Variants in RABGAP1L observed in about 807,000 individuals in gnomAD.
The protein encoded by RABGAP1L is RAB GTPase activating protein 1 like, also known as rab GTPase-activating protein 1-like.
In RABGAP1L, 63 loss-of-function variants were observed where a neutral mutation model predicts 137.7. The ratio of observed to expected loss-of-function variants is 0.46; its 90% CI spans 0.37 to 0.56. The LOEUF is 0.56. Ranked by LOEUF, RABGAP1L falls within the 20% of genes least tolerant of loss-of-function variation. RABGAP1L has a pLI of 0.00. For missense variants in RABGAP1L, 1,095 were observed against 1,244.0 expected (o/e 0.88, Z 1.80); for synonymous variants, 431 against 433.7 (o/e 0.99, Z 0.08).
chr1:174,223,031 A>T (rs972964642), intron 3 of RABGAP1L, among the ~76,000 whole-genome samples: 1 of 151,928 alleles, frequency 6.6e-6, no homozygotes, highest in African/African-American at 2.4e-5. Flanking sequence ...CCACTTTGGG[A>T]GGCCAAGATG....
intron 13 of RABGAP1L, among the ~76,000 whole-genome samples, chr1:174,569,193 C>T (rs1667803767): frequency 6.6e-6 from 1 of 152,120 alleles, no homozygotes; most frequent in African/African-American, 2.4e-5. Flanking sequence ...AGTGAAAAAC[C>T]ACATTTCTTA....
intron 13 of RABGAP1L, among the ~76,000 whole-genome samples, chr1:174,487,327 C>T (rs1004159683): frequency 2.0e-5 from 3 of 152,106 alleles, no homozygotes; most frequent in Admixed American, 6.5e-5. Flanking sequence ...TCCATAGATA[C>T]TTAAAATTGT....
At chr1:174,218,066 C>T (rs1378895667) in intron 1 of RABGAP1L, among the ~76,000 whole-genome samples, 1 of 152,106 alleles carries the variant, frequency 6.6e-6, no homozygotes, top group African/African-American at 2.4e-5. Context: ...TGTCCTGCCC[C>T]TCTATCACAT....
intron 19 of RABGAP1L, among the ~76,000 whole-genome samples, chr1:174,949,795 A>G (rs1283188973): frequency 1.3e-5 from 2 of 152,214 alleles, no homozygotes; most frequent in East Asian, 1.9e-4. Context: ...ATATTATACA[A>G]GATTAGACTT....
intron 13 of RABGAP1L, among the ~76,000 whole-genome samples, chr1:174,615,576 G>T (rs1027777144): frequency 6.6e-6 from 1 of 152,220 alleles, no homozygotes; most frequent in African/African-American, 2.4e-5. Context: ...ATCTCCAGCT[G>T]TGTGCTGAGA....
chr1:174,948,719 A>G (rs1042854625), intron 19 of RABGAP1L: 4 of 152,164 alleles, frequency 2.6e-5, no homozygotes, highest in Non-Finnish European at 5.9e-5. Context: ...GTGACTGATC[A>G]TACCTCAGAT....
chr1:174,272,109 G>T (rs554297279), intron 7 of RABGAP1L, among the ~76,000 whole-genome samples: 2 of 151,940 alleles, frequency 1.3e-5, no homozygotes, highest in South Asian at 4.1e-4. Context: ...TATCTCCCTA[G>T]AAACTAATTT....
chr1:174,884,591 G>T (rs1357079554), intron 19 of RABGAP1L, among the ~76,000 whole-genome samples: 1 of 152,184 alleles, frequency 6.6e-6, no homozygotes, highest in Non-Finnish European at 1.5e-5. Flanking sequence ...TGGTTGATCA[G>T]TTCTAATGAG....
intron 13 of RABGAP1L, among the ~76,000 whole-genome samples, chr1:174,412,267 C>A (rs1650024844): frequency 6.6e-6 from 1 of 152,010 alleles, no homozygotes; most frequent in Admixed American, 6.6e-5. Context: ...TGTGTTTTAT[C>A]TAATATAAGA....
chr1:174,881,515 T>TTC, intron 19 of RABGAP1L, among the ~76,000 whole-genome samples: 1 of 148,008 alleles, frequency 6.8e-6, no homozygotes, highest in East Asian at 2.0e-4. Context: ...TTTTTTTTTT[T>TTC]TAAATATGGA....
intron 19 of RABGAP1L, among the ~76,000 whole-genome samples, chr1:174,888,491 C>T (rs986454714): frequency 6.6e-6 from 1 of 152,090 alleles, no homozygotes; most frequent in African/African-American, 2.4e-5. Flanking sequence ...TAGAAAATTA[C>T]TTGTGTGATT....
At chr1:174,925,331 G>T (rs1265968377) in intron 19 of RABGAP1L, among the ~76,000 whole-genome samples, 4 of 120,618 alleles carry the variant, frequency 3.3e-5, no homozygotes, top group African/African-American at 6.5e-5. Context: ...CTGGGAGACA[G>T]AGCGAGACTC....
intron 18 of RABGAP1L, among the ~76,000 whole-genome samples, chr1:174,801,525 C>T (rs1381817627): frequency 1.3e-5 from 2 of 152,116 alleles, no homozygotes; most frequent in Non-Finnish European, 2.9e-5. Flanking sequence ...GTTAGATAGC[C>T]ATGTAAATAA....
At chr1:174,339,056 C>T (rs1681732359) in intron 11 of RABGAP1L, among the ~76,000 whole-genome samples, 1 of 152,118 alleles carries the variant, frequency 6.6e-6, no homozygotes, top group Non-Finnish European at 1.5e-5. Flanking sequence ...TTCTTGTGTA[C>T]ATATCATGTT....
At chr1:174,656,216 G>T (rs1331341310) in intron 14 of RABGAP1L, among the ~76,000 whole-genome samples, 2 of 152,194 alleles carry the variant, frequency 1.3e-5, no homozygotes, top group Non-Finnish European at 2.9e-5. Context: ...CAGCACTTTG[G>T]GAGGCCACGG....
chr1:174,563,659 T>C (rs1408051926), intron 13 of RABGAP1L, among the ~76,000 whole-genome samples: 1 of 152,150 alleles, frequency 6.6e-6, no homozygotes, highest in Non-Finnish European at 1.5e-5. Flanking sequence ...TACATAGCAA[T>C]GAAGTACAAA....
chr1:174,532,356 G>C (rs1180972317), intron 13 of RABGAP1L, among the ~76,000 whole-genome samples: 1 of 151,696 alleles, frequency 6.6e-6, no homozygotes. Context: ...CTACAGGTGC[G>C]CACCACCACA....
intron 19 of RABGAP1L, among the ~76,000 whole-genome samples, chr1:174,868,961 T>C (rs554360476): frequency 6.6e-6 from 1 of 152,066 alleles, no homozygotes; most frequent in Non-Finnish European, 1.5e-5. Context: ...TGTATGACAC[T>C]GTTATTCATC....
chr1:174,619,201 G>A (rs1364953682), intron 13 of RABGAP1L, among the ~76,000 whole-genome samples: 3 of 152,222 alleles, frequency 2.0e-5, no homozygotes, highest in Non-Finnish European at 2.9e-5. Context: ...ATGGAACCAA[G>A]TTGGAAAACA....
Sources: gnomAD v4.1 joint callset for allele counts (sites outside exome capture counted in the v4.1 genomes callset) on GRCh38, gnomAD v4.1.1 for gene constraint, MANE v1.5 for transcripts, NCBI Gene and HGNC (gene_info 2026-07-23, HGNC 2026-07-21) for gene names.